KLRG2: variants seen among roughly 807,000 people sequenced by gnomAD.
KLRG2 encodes killer cell lectin-like receptor subfamily G member 2.
A neutral mutation model predicts 35.4 loss-of-function variants in KLRG2; 39 were observed. The observed-to-expected ratio is 1.10, with a 90% CI of 0.85 to 1.44. The LOEUF (loss-of-function observed/expected upper bound fraction) is 1.44. Among genes scored for constraint, KLRG2 ranks in the 40% most tolerant of loss-of-function variants. The pLI is 0.00. For synonymous variants in KLRG2, 283 were observed against 265.8 expected, an observed-to-expected ratio of 1.06 and a Z score of -0.63; for missense variants, 632 against 570.9, an observed-to-expected ratio of 1.11 and a Z score of -1.09.
At position 139,470,560 on chromosome 7, in the gene KLRG2, G is replaced by C. The variant is rs940009972; in HGVS notation, c.1005+9067C>G. On this transcript the variant is annotated intron_variant, in intron 3 of 4. Transcript: ENST00000340940. ...CAATCCCAGGACTTTGGGAGCCTGA[G>C]GTGGGAGGATCGCTTGAGGCCAGGA... is the stretch of plus-strand genomic sequence containing the variant. Among the ~76,000 whole-genome samples, 11 of 152,318 alleles carry C rather than the reference G, an allele frequency of 7.2e-5. 1 individual carries two copies. In the Middle Eastern group the frequency reaches 0.017, roughly 235 times the overall value.
chr7:139,429,580 C>A, the KLRG2 span, among the ~76,000 whole-genome samples: 1 of 151,320 alleles, frequency 6.6e-6, no homozygotes, highest in Non-Finnish European at 1.5e-5. Flanking sequence ...TGACTCTTAA[C>A]GAGCATGCTG....
chr7:139,455,793 A>T (rs6971755), intron 3 of KLRG2, among the ~76,000 whole-genome samples: 1 of 152,158 alleles, frequency 6.6e-6, no homozygotes, highest in Admixed American at 6.5e-5. Context: ...GGGTGATTTC[A>T]CTGAGAAATA....
At chr7:139,454,244 C>T (rs1796421486) in intron 3 of KLRG2, 30 bp from the exon 4 acceptor site, 1 of 1,110,588 alleles carries the variant, frequency 9.0e-7, no homozygotes, top group Non-Finnish European at 1.3e-6. Flanking sequence ...TGGTCACTCC[C>T]CTGGACACTG....
chr7:139,466,085 A>G (rs1162453038), intron 3 of KLRG2, among the ~76,000 whole-genome samples: 1 of 152,118 alleles, frequency 6.6e-6, no homozygotes, highest in East Asian at 1.9e-4. Flanking sequence ...TCTATCCTCA[A>G]AAAAATCTCA....
At chr7:139,461,626 T>C (rs13240395) in intron 3 of KLRG2, among the ~76,000 whole-genome samples, 16 of 152,114 alleles carry the variant, frequency 1.1e-4, no homozygotes, top group African/African-American at 3.9e-4. Flanking sequence ...TCCTGGCTCA[T>C]CCTGGCTCAA....
chr7:139,437,340 G>A, the KLRG2 span, among the ~76,000 whole-genome samples: 54,666 of 148,274 alleles, frequency 0.37, 12,180 homozygotes, highest in Admixed American at 0.48. Flanking sequence ...TGGGAGAATC[G>A]CTTGAACCCA....
intron 1 of KLRG2, 85 bp from the exon 2 acceptor site, chr7:139,480,332 C>G: frequency 1.3e-6 from 1 of 746,756 alleles, no homozygotes; most frequent in Non-Finnish European, 2.4e-6. Context: ...AGCACACCAG[C>G]ATCTCACCCA....
chr7:139,449,622 A>G (rs971231814), downstream of KLRG2, among the ~76,000 whole-genome samples: 1 of 151,912 alleles, frequency 6.6e-6, no homozygotes, highest in Non-Finnish European at 1.5e-5. Flanking sequence ...ACTTTTTTGT[A>G]ATAACACTTA....
At chr7:139,445,125 G>GGCTA in the KLRG2 span, among the ~76,000 whole-genome samples, 2 of 151,048 alleles carry the variant, frequency 1.3e-5, no homozygotes, top group Non-Finnish European at 2.9e-5. Context: ...CTTTCACCCA[G>GGCTA]GCTAGAGTGC....
At chr7:139,435,420 G>A in the KLRG2 span, among the ~76,000 whole-genome samples, 5 of 152,152 alleles carry the variant, frequency 3.3e-5, no homozygotes, top group Non-Finnish European at 7.4e-5. Flanking sequence ...AACCCTGAAG[G>A]TAGAGGTTGC....
chr7:139,468,917 A>G (rs756565836), intron 3 of KLRG2, among the ~76,000 whole-genome samples: 18 of 152,120 alleles, frequency 1.2e-4, no homozygotes, highest in Non-Finnish European at 2.2e-4. Context: ...TTGTTACAAG[A>G]GGAGTAAATT....
the KLRG2 span, among the ~76,000 whole-genome samples, chr7:139,441,254 A>G: frequency 4.6e-5 from 7 of 152,240 alleles, no homozygotes; most frequent in Admixed American, 2.6e-4. Context: ...TGGATAAAGA[A>G]AATGTGGCAC....
the KLRG2 span, among the ~76,000 whole-genome samples, chr7:139,430,125 G>C: frequency 2.0e-5 from 3 of 152,202 alleles, no homozygotes; most frequent in Non-Finnish European, 4.4e-5. Context: ...TAAAACTGCC[G>C]GGCGCAATGG....
the KLRG2 span, among the ~76,000 whole-genome samples, chr7:139,442,961 G>A: frequency 6.6e-6 from 1 of 151,376 alleles, no homozygotes; most frequent in Admixed American, 6.6e-5. Flanking sequence ...AAATAGTAAA[G>A]AACAAAGTAG....
the KLRG2 span, among the ~76,000 whole-genome samples, chr7:139,429,228 T>C: frequency 6.6e-6 from 1 of 152,152 alleles, no homozygotes; most frequent in Non-Finnish European, 1.5e-5. Flanking sequence ...ATTGCTTTAA[T>C]CCTGGAAGTG....
intron 3 of KLRG2, among the ~76,000 whole-genome samples, chr7:139,473,726 C>T (rs935430446): frequency 6.6e-6 from 1 of 152,106 alleles, no homozygotes; most frequent in Non-Finnish European, 1.5e-5. Context: ...GTAATCCTAG[C>T]ACTTTGGGAG....
chr7:139,475,997 ATTG>A (rs1796843847), intron 3 of KLRG2, among the ~76,000 whole-genome samples: 2 of 152,048 alleles, frequency 1.3e-5, no homozygotes, highest in South Asian at 2.1e-4. Context: ...TTCTGGGTTG[ATTG>A]TTGTTGTGTA....
chr7:139,483,207 G>T lies in KLRG2; in HGVS notation c.436C>A (p.Pro146Thr), dbSNP rs1306999155. Reference protein sequence around the residue: ...AGGSSTPSPRPSTRFLKVPVP... With the variant: ...AGGSSTPSPRTSTRFLKVPVP... ...GGCACCTTGAGGAAGCGCGTGGAGG[G>T]CCTGGGCGATGGCGTGCTGCTGCCA... Residue 146 changes from proline to threonine, a missense_variant, in exon 1 of 5, where the codon CCC becomes ACC. By Grantham distance (38) the Pro-to-Thr change is conservative (BLOSUM62 -1). Coordinates refer to ENST00000340940, the MANE Select transcript of KLRG2 (RefSeq NM_198508.4). 2 of 1,526,444 alleles carry T rather than the reference G, an allele frequency of 1.3e-6. No individual in the cohort carries two copies. Among genetic ancestry groups the T allele is most frequent in the South Asian group, 2.4e-5 (2 of 82,174 alleles). 94.6% of individuals were successfully genotyped at this position (1,526,444 alleles called of 1,614,324 possible).
At chr7:139,450,070 T>C (rs1046134037), downstream of KLRG2, among the ~76,000 whole-genome samples, 10 of 151,790 alleles carry the variant, frequency 6.6e-5, no homozygotes, top group African/African-American at 2.4e-4. Flanking sequence ...TGAAACGGAG[T>C]CTCACTCTGT....
Sources: allele counts gnomAD v4.1 joint callset (sites outside exome capture counted in the v4.1 genomes callset), GRCh38; gene constraint gnomAD v4.1.1; transcripts MANE v1.5; gene names NCBI Gene and HGNC (gene_info 2026-07-23, HGNC 2026-07-21).